Variants in POC1B observed in about 807,000 individuals in gnomAD.
POC1B encodes the protein POC1 centriolar protein homolog B.
In POC1B, 44 loss-of-function variants were observed where a neutral mutation model predicts 60.6. That is an observed-to-expected ratio of 0.73 (90% CI 0.57 to 0.93). The LOEUF (loss-of-function observed/expected upper bound fraction) is 0.93, where lower values mean the gene tolerates loss of function less well. POC1B is among the 40% of genes least tolerant of loss of function. The pLI is 0.00. For synonymous variants in POC1B, 180 were observed against 198.9 expected, an observed-to-expected ratio of 0.90 and a Z score of 0.80; for missense variants, 555 against 572.3, an observed-to-expected ratio of 0.97 and a Z score of 0.31.
intron 4 of POC1B, among the ~76,000 whole-genome samples, chr12:89,480,807 A>G (rs558853040): frequency 1.3e-5 from 2 of 152,140 alleles, no homozygotes; most frequent in Non-Finnish European, 2.9e-5. Context: ...TCACCATGTT[A>G]GCCAGGATGG....
At chr12:89,457,899 T>C (rs1882321709) in intron 10 of POC1B, among the ~76,000 whole-genome samples, 1 of 152,204 alleles carries the variant, frequency 6.6e-6, no homozygotes. Flanking sequence ...GGTCCTGTAT[T>C]ATAGATGTAT....
At chr12:89,487,949 G>A (rs1471676353) in intron 4 of POC1B, among the ~76,000 whole-genome samples, 1 of 149,696 alleles carries the variant, frequency 6.7e-6, no homozygotes, top group Non-Finnish European at 1.5e-5. Context: ...TTAGTATCAT[G>A]TTTCCCCACT....
At chr12:89,467,466 T>C (rs907772853) in intron 8 of POC1B, 151 bp downstream of exon 8, 1 of 602,428 alleles carries the variant, frequency 1.7e-6, no homozygotes, top group South Asian at 3.0e-5. Context: ...GTTTCAGCTA[T>C]GAGATAGCAG....
intron 2 of POC1B, chr12:89,522,892 G>A: frequency 1.2e-6 from 2 of 1,613,644 alleles, no homozygotes; most frequent in African/African-American, 1.3e-5. Flanking sequence ...GCCCTCCGGT[G>A]TCCGATAAGC....
chr12:89,405,914 G>A, the POC1B span, among the ~76,000 whole-genome samples: 1 of 150,784 alleles, frequency 6.6e-6, no homozygotes, highest in Non-Finnish European at 1.5e-5. Flanking sequence ...AAATATGACT[G>A]TGCCACTGCA....
Position 89,420,868 on chromosome 12 carries a change from T to G in POC1B, c.*285A>C, listed in dbSNP as rs1012896734. The G allele has an allele frequency of 3.7e-6, 1 of 270,336 alleles. No individual in the cohort carries two copies. The highest frequency in any genetic ancestry group is 6.4e-5 in the East Asian group (1 of 15,676). The allele number at this position is 270,336 out of a possible 1,614,324, so 16.7% of individuals were successfully genotyped here. On this transcript the variant is annotated 3_prime_UTR_variant, in exon 12 of 12. Coordinates refer to ENST00000313546, the MANE Select transcript of POC1B (RefSeq NM_172240.3). ...TGGCCTATAAATGAAAATGGACATTTAAAATAATATGGGGAAAATACAGAG... is the reference window on the plus strand; with the variant it reads ...TGGCCTATAAATGAAAATGGACATTGAAAATAATATGGGGAAAATACAGAG...
intron 4 of POC1B, among the ~76,000 whole-genome samples, chr12:89,481,057 GCCT>G (rs1868352484): frequency 7.0e-6 from 1 of 141,954 alleles, no homozygotes; most frequent in African/African-American, 2.7e-5. Flanking sequence ...AATTGTTAGG[GCCT>G]AATTGTTAGG....
intron 2 of POC1B, among the ~76,000 whole-genome samples, chr12:89,504,611 AAAG>A (rs1869808064): frequency 2.6e-5 from 4 of 152,116 alleles, no homozygotes; most frequent in Middle Eastern, 3.2e-3. Flanking sequence ...TAAAAAAAAA[AAAG>A]AAAGAAAAAA....
chr12:89,422,799 T>C (rs995540872), intron 11 of POC1B, among the ~76,000 whole-genome samples: 3 of 152,176 alleles, frequency 2.0e-5, no homozygotes, highest in Non-Finnish European at 4.4e-5. Flanking sequence ...GGCATGACAC[T>C]TGCTTGGTAT....
chr12:89,514,402 C>CTTTCTTTTT (rs1555186453), intron 2 of POC1B, among the ~76,000 whole-genome samples: 1 of 67,088 alleles, frequency 1.5e-5, no homozygotes, highest in Non-Finnish European at 2.6e-5. Flanking sequence ...TCATGTATTT[C>CTTTCTTTTT]TTTTTTTTTT....
intron 2 of POC1B, chr12:89,500,763 G>C: frequency 9.4e-7 from 1 of 1,066,506 alleles, no homozygotes; most frequent in Non-Finnish European, 1.4e-6. Context: ...GATAGAAATA[G>C]ATAATAAAGT....
intron 2 of POC1B, chr12:89,501,683 C>A: frequency 9.6e-7 from 1 of 1,038,086 alleles, no homozygotes; most frequent in Non-Finnish European, 1.5e-6. Context: ...TCCAGGCATC[C>A]GTCTAATTGG....
At chr12:89,500,139 G>T (rs951047291) in intron 2 of POC1B, 14 of 1,550,562 alleles carry the variant, frequency 9.0e-6, no homozygotes, top group African/African-American at 6.8e-5. Flanking sequence ...TACAGAAGAA[G>T]ATTTTGTCAA....
chr12:89,418,989 G>T (rs1009301833), downstream of POC1B, among the ~76,000 whole-genome samples: 1 of 152,132 alleles, frequency 6.6e-6, no homozygotes, highest in Non-Finnish European at 1.5e-5. Context: ...GTAAGAAGTG[G>T]TCAGGTGTTT....
intron 10 of POC1B, among the ~76,000 whole-genome samples, chr12:89,442,293 T>C (rs1291317479): frequency 3.9e-5 from 6 of 152,106 alleles, no homozygotes; most frequent in Non-Finnish European, 7.4e-5. Context: ...AACTCCAAGA[T>C]ACATAATTGT....
chr12:89,409,608 A>T, the POC1B span, among the ~76,000 whole-genome samples: 35 of 152,358 alleles, frequency 2.3e-4, no homozygotes, highest in East Asian at 3.7e-3. Context: ...CACAATAAAA[A>T]ATGATAAAGG....
chr12:89,416,107 T>G (rs889677958), downstream of POC1B, among the ~76,000 whole-genome samples: 2 of 152,234 alleles, frequency 1.3e-5, no homozygotes, highest in African/African-American at 4.8e-5. Flanking sequence ...GCTCCTCCTA[T>G]GAGCCAGACA....
chr12:89,422,859 G>T (rs1384072263), intron 11 of POC1B, among the ~76,000 whole-genome samples: 2 of 152,114 alleles, frequency 1.3e-5, no homozygotes, highest in African/African-American at 2.4e-5. Flanking sequence ...ATCATCTTTT[G>T]AATGCAACCA....
chr12:89,417,481 C>T (rs146872009), downstream of POC1B, among the ~76,000 whole-genome samples: 23 of 152,324 alleles, frequency 1.5e-4, no homozygotes, highest in South Asian at 3.3e-3. Context: ...ATGTCTGATT[C>T]GTGAGTCACT....
Sources: gnomAD v4.1 joint callset for allele counts (sites outside exome capture counted in the v4.1 genomes callset) on GRCh38, gnomAD v4.1.1 for gene constraint, MANE v1.5 for transcripts, NCBI Gene and HGNC (gene_info 2026-07-23, HGNC 2026-07-21) for gene names.